The following TM9SF3 variants were observed in gnomAD, a reference collection of about 807,000 sequenced individuals.
TM9SF3 encodes the protein SM-11044-binding protein.
A neutral mutation model predicts 78.6 loss-of-function variants in TM9SF3; 14 were observed. That is an observed-to-expected ratio of 0.18 (90% CI 0.12 to 0.28). TM9SF3 has a LOEUF of 0.28. Ranked by LOEUF, TM9SF3 falls within the 10% of genes least tolerant of loss-of-function variation. The probability of loss-of-function intolerance (pLI) is 1.00; values close to 1 mark genes in which losing one functional copy is unlikely to be tolerated. For synonymous variants in TM9SF3, 231 were observed against 241.7 expected, an observed-to-expected ratio of 0.96 and a Z score of 0.41; for missense variants, 496 against 721.9, an observed-to-expected ratio of 0.69 and a Z score of 3.59.
intron 14 of TM9SF3, among the ~76,000 whole-genome samples, chr10:96,523,537 G>A (rs186220521): frequency 1.6e-3 from 236 of 151,974 alleles, no homozygotes; most frequent in African/African-American, 5.3e-3. Context: ...TGAATTATTT[G>A]AGCTAGGCAA....
rs1371279149 is a variant in TM9SF3 at position 96,576,771 on chromosome 10, C to T, written c.161G>A (p.Arg54His). 3 of 1,601,552 alleles carry T rather than the reference C, an allele frequency of 1.9e-6. No homozygotes were observed. The highest frequency in any genetic ancestry group is 1.1e-5 in the South Asian group (1 of 89,334). ...WMNTVGPYHNRQETYKYFSLP... is the reference protein window; with the variant it reads ...WMNTVGPYHNHQETYKYFSLP... ...TGAAAAGTACTTATATGTTTCTTGA[C>T]GATTATGGTAGGGCCCAACAGTATT... is the stretch of plus-strand genomic sequence containing the variant. Residue 54 changes from arginine to histidine, a missense_variant, in exon 2 of 15, where the codon CGT (arginine) becomes CAT (histidine). Arg to His is a conservative substitution (Grantham distance 29). This residue lies in a region of TM9SF3 where 155 missense variants were observed against 241.6 expected (regional missense o/e 0.64). Transcript: ENST00000371142.
At chr10:96,529,205 C>A (rs1053274497) in intron 11 of TM9SF3, among the ~76,000 whole-genome samples, 2 of 152,150 alleles carry the variant, frequency 1.3e-5, no homozygotes, top group African/African-American at 4.8e-5. Flanking sequence ...CAGAGACACA[C>A]ACTCCAACTC....
intron 11 of TM9SF3, among the ~76,000 whole-genome samples, chr10:96,530,311 T>C (rs1483463612): frequency 6.6e-6 from 1 of 152,182 alleles, no homozygotes; most frequent in Non-Finnish European, 1.5e-5. Context: ...TAAGATTTCC[T>C]CTTAGGTGAG....
chr10:96,552,748 T>G (rs998633804), intron 6 of TM9SF3, among the ~76,000 whole-genome samples, 180 bp downstream of exon 6: 1 of 152,212 alleles, frequency 6.6e-6, no homozygotes, highest in Non-Finnish European at 1.5e-5. Flanking sequence ...ATTAATATTA[T>G]TTGATTACAG....
intron 2 of TM9SF3, among the ~76,000 whole-genome samples, chr10:96,573,321 A>C (rs1350954841): frequency 7.9e-5 from 12 of 152,282 alleles, no homozygotes; most frequent in Admixed American, 7.8e-4. Context: ...CTATTTTTTT[A>C]ATGTTTGGCT....
At chr10:96,574,251 A>G (rs1044853826) in intron 2 of TM9SF3, among the ~76,000 whole-genome samples, 1 of 152,186 alleles carries the variant, frequency 6.6e-6, no homozygotes, top group Non-Finnish European at 1.5e-5. Flanking sequence ...ACCCCATCAA[A>G]AAGTGGGCAA....
intron 2 of TM9SF3, among the ~76,000 whole-genome samples, chr10:96,566,950 C>T (rs961052073): frequency 6.6e-6 from 1 of 152,206 alleles, no homozygotes; most frequent in Non-Finnish European, 1.5e-5. Context: ...GGGTACCTCA[C>T]AGCTACCTCT....
intron 9 of TM9SF3, among the ~76,000 whole-genome samples, chr10:96,535,701 A>G (rs2134133933): frequency 6.6e-6 from 1 of 152,260 alleles, no homozygotes; most frequent in East Asian, 1.9e-4. Flanking sequence ...TGGGGAGAAG[A>G]AAGATTTACT....
intron 2 of TM9SF3, among the ~76,000 whole-genome samples, chr10:96,571,029 C>G (rs1248997639): frequency 6.6e-6 from 1 of 152,138 alleles, no homozygotes; most frequent in Non-Finnish European, 1.5e-5. Flanking sequence ...CATGAGCCAC[C>G]ACCCCCGGCC....
intron 8 of TM9SF3, among the ~76,000 whole-genome samples, chr10:96,544,483 T>A (rs1848073778): frequency 6.6e-6 from 1 of 152,174 alleles, no homozygotes; most frequent in Non-Finnish European, 1.5e-5. Flanking sequence ...ACTCTCTCTC[T>A]CTAGGCTACA....
intron 1 of TM9SF3, among the ~76,000 whole-genome samples, chr10:96,584,309 T>C (rs1848606358): frequency 1.3e-5 from 2 of 152,148 alleles, no homozygotes; most frequent in Admixed American, 1.3e-4. Flanking sequence ...TAAATAAAAC[T>C]CACTTGACAT....
At position 96,586,858 on chromosome 10, in the gene TM9SF3, A is replaced by C. The variant is rs927324895; in HGVS notation, c.-23T>G. The C allele has an allele frequency of 8.3e-7, 1 of 1,199,246 alleles. No homozygotes were observed. Among genetic ancestry groups the C allele is most frequent in the Admixed American group, 4.6e-5 (1 of 21,790 alleles). 74.3% of individuals were successfully genotyped at this position (1,199,246 alleles called of 1,614,324 possible). ...CATCCTCCGCGCCCCTCCGGCCCGG[A>C]GCCGGCTCACCGACTCCTCCTCCCG... On this transcript the variant is annotated 5_prime_UTR_variant, in exon 1 of 15. Coordinates refer to ENST00000371142, the MANE Select transcript of TM9SF3 (RefSeq NM_020123.4).
chr10:96,576,723 T>C lies in TM9SF3; in HGVS notation c.209A>G (p.Lys70Arg). 6.2e-7 allele frequency: 1 copy of C among 1,612,198 alleles called. No homozygotes were observed. Among genetic ancestry groups the C allele is most frequent in the Non-Finnish European group, 8.5e-7 (1 of 1,179,278 alleles). ...YFSLPFCVGSKKSISHYHETL... is the reference protein window; with the variant it reads ...YFSLPFCVGSRKSISHYHETL... ...TTCATGGTAATGACTGATACTTTTT[T>C]TTGACCCCACACAGAATGGAAGTGA... Residue 70 changes from lysine to arginine, a missense_variant, in exon 2 of 15, where the codon AAA (lysine) becomes AGA (arginine). Lys to Arg is a conservative substitution (Grantham distance 26). Around this residue, in one of 4 missense-constraint regions of TM9SF3, gnomAD observed 155 missense variants for 241.6 expected, o/e 0.64. Coordinates refer to ENST00000371142, the MANE Select transcript of TM9SF3 (RefSeq NM_020123.4).
Position 96,521,161 on chromosome 10 carries a change from C to T in TM9SF3, c.*1102G>A, listed in dbSNP as rs769699428. On this transcript the variant is annotated 3_prime_UTR_variant, in exon 15 of 15. Transcript: ENST00000371142. ...CCCCTCCCAAAAGAAGTATGACACA[C>T]ACATTTTGAAGAAACCCCAATGTTT... is the stretch of plus-strand genomic sequence containing the variant. 8.7e-6 allele frequency: 3 copies of T among 345,024 alleles called. No individual in the cohort carries two copies. Among genetic ancestry groups the T allele is most frequent in the Non-Finnish European group, 1.6e-5 (3 of 191,858 alleles). 21.4% of individuals were successfully genotyped at this position (345,024 alleles called of 1,614,324 possible).
chr10:96,586,281 G>A (rs1023182788), intron 1 of TM9SF3, among the ~76,000 whole-genome samples: 1 of 152,332 alleles, frequency 6.6e-6, no homozygotes, highest in South Asian at 2.1e-4. Flanking sequence ...ATATTTCCTG[G>A]TTAGTGGCTG....
chr10:96,586,765 GGCAGCAGCA>G lies in TM9SF3; in HGVS notation c.62_70del (p.Leu21_Leu23del). 3 of 1,286,768 alleles carry G rather than the reference GGCAGCAGCA, an allele frequency of 2.3e-6. No individual in the cohort carries two copies. The highest frequency in any genetic ancestry group is 2.5e-5 in the South Asian group (1 of 39,868). The allele number at this position is 1,286,768 out of a possible 1,614,324, so 79.7% of individuals were successfully genotyped here. A position where few individuals can be genotyped will look rare whatever the true frequency, so the allele number is the denominator to read the frequency against. ...TTCGTGCTCGTCCGCCCGGGTCCGG[GGCAGCAGCA>G]GCAGCAGCAGCCACAGCGCGGCGGC... On this transcript the variant is annotated inframe_deletion, in exon 1 of 15. Coordinates refer to ENST00000371142, the MANE Select transcript of TM9SF3 (RefSeq NM_020123.4).
intron 2 of TM9SF3, among the ~76,000 whole-genome samples, chr10:96,567,081 A>AG (rs2134154146): frequency 8.9e-6 from 1 of 112,898 alleles, no homozygotes; most frequent in African/African-American, 3.4e-5. Context: ...ATCTGTATAA[A>AG]GCCTTTTTTT....
intron 7 of TM9SF3, among the ~76,000 whole-genome samples, chr10:96,549,536 T>C (rs192912971): frequency 9.2e-5 from 14 of 152,242 alleles, no homozygotes; most frequent in Admixed American, 2.6e-4. Context: ...ATTTCCTTCA[T>C]AGGGTTGATG....
At chr10:96,560,914 A>G in intron 4 of TM9SF3, 1 of 519,586 alleles carries the variant, frequency 1.9e-6, no homozygotes, top group Non-Finnish European at 3.7e-6. Context: ...AAGTATACAA[A>G]AAGTGCATTG....
Sources: gnomAD v4.1 joint callset for allele counts (sites outside exome capture counted in the v4.1 genomes callset) on GRCh38, gnomAD v4.1.1 for gene constraint, gnomAD v4.1.1 regional missense constraint, MANE v1.5 for transcripts, NCBI Gene and HGNC (gene_info 2026-07-23, HGNC 2026-07-21) for gene names.